Variants in CNTN1 observed in about 807,000 individuals in gnomAD.
CNTN1 encodes contactin-1.
Under a neutral mutation model 126.4 loss-of-function variants are expected in CNTN1, and 38 were observed. The observed-to-expected ratio is 0.30, with a 90% confidence interval of 0.23 to 0.39. The LOEUF (loss-of-function observed/expected upper bound fraction) is 0.39, where lower values mean the gene tolerates loss of function less well. CNTN1 is among the 10% of genes least tolerant of loss of function. The pLI is 1.00. For synonymous variants in CNTN1, 413 were observed against 422.6 expected, an observed-to-expected ratio of 0.98 and a Z score of 0.28; for missense variants, 1,009 against 1,248.4, an observed-to-expected ratio of 0.81 and a Z score of 2.89.
intron 15 of CNTN1, among the ~76,000 whole-genome samples, chr12:40,980,202 G>GC (rs1947782732): frequency 6.6e-6 from 1 of 152,094 alleles, no homozygotes; most frequent in African/African-American, 2.4e-5. Context: ...GAATGCCTAG[G>GC]CATGAGGATC....
At chr12:40,871,594 C>G (rs114175630) in intron 1 of CNTN1, among the ~76,000 whole-genome samples, 1 of 151,986 alleles carries the variant, frequency 6.6e-6, no homozygotes, top group Non-Finnish European at 1.5e-5. Flanking sequence ...ATCAACTGAG[C>G]GAATGTTAGT....
intron 1 of CNTN1, among the ~76,000 whole-genome samples, chr12:40,693,257 C>G (rs1941350613): frequency 6.6e-6 from 1 of 152,202 alleles, no homozygotes; most frequent in African/African-American, 2.4e-5. Flanking sequence ...AGGGAGAGAC[C>G]GCGGAGCCAC....
chr12:41,002,107 C>CTTTTA (rs77278776), intron 17 of CNTN1, among the ~76,000 whole-genome samples: 2 of 151,912 alleles, frequency 1.3e-5, no homozygotes, highest in Admixed American at 6.6e-5. Context: ...GCTATTTGGG[C>CTTTTA]TTTTATTTTA....
At chr12:40,885,542 C>T (rs955705944) in intron 1 of CNTN1, among the ~76,000 whole-genome samples, 8 of 151,910 alleles carry the variant, frequency 5.3e-5, no homozygotes, top group African/African-American at 1.9e-4. Context: ...TACTTCACAT[C>T]TTTGTGTCTC....
chr12:40,713,608 A>G (rs1296057909), intron 1 of CNTN1, among the ~76,000 whole-genome samples: 6 of 152,016 alleles, frequency 3.9e-5, no homozygotes, highest in Admixed American at 3.9e-4. Flanking sequence ...ACACCATAAA[A>G]AACATTTGAC....
At chr12:40,706,457 C>G (rs11177948) in intron 1 of CNTN1, among the ~76,000 whole-genome samples, 59,518 of 151,804 alleles carry the variant, frequency 0.39, 12,424 homozygotes, top group South Asian at 0.49. Flanking sequence ...CTCACATAGC[C>G]TCTTTAACAC....
chr12:40,813,039 C>T (rs749216898), intron 1 of CNTN1, among the ~76,000 whole-genome samples: 1,618 of 12,172 alleles, frequency 0.13, 58 homozygotes, highest in African/African-American at 0.17. Context: ...TCTTTCTTTC[C>T]TTTCTTTCTT....
chr12:40,818,072 G>C (rs11178530), intron 1 of CNTN1, among the ~76,000 whole-genome samples: 91,540 of 151,810 alleles, frequency 0.6, 27,920 homozygotes, highest in East Asian at 0.77. Flanking sequence ...GTGACCTGGC[G>C]TTTCTTTCTG....
intron 1 of CNTN1, among the ~76,000 whole-genome samples, chr12:40,761,970 AT>A (rs1294414234): frequency 2.0e-5 from 3 of 152,066 alleles, no homozygotes; most frequent in Admixed American, 2.0e-4. Context: ...AGGATAACTG[AT>A]TTCTCTGTTT....
chr12:41,060,766 G>T (rs1294994360), intron 23 of CNTN1, among the ~76,000 whole-genome samples: 2 of 152,090 alleles, frequency 1.3e-5, no homozygotes, highest in South Asian at 4.1e-4. Flanking sequence ...ACAAACCCAT[G>T]AAACCCATTA....
intron 1 of CNTN1, among the ~76,000 whole-genome samples, chr12:40,781,073 G>T (rs1388202942): frequency 6.6e-6 from 1 of 151,888 alleles, no homozygotes; most frequent in Non-Finnish European, 1.5e-5. Flanking sequence ...CCAAATAGAT[G>T]AAATAAATCA....
chr12:40,710,471 C>A (rs532411392), intron 1 of CNTN1, among the ~76,000 whole-genome samples: 4 of 152,060 alleles, frequency 2.6e-5, no homozygotes, highest in Non-Finnish European at 5.9e-5. Context: ...CAAACGATGA[C>A]ACAGAGATAA....
chr12:40,900,997 T>C (rs1428428742), intron 1 of CNTN1, among the ~76,000 whole-genome samples: 1 of 152,156 alleles, frequency 6.6e-6, no homozygotes, highest in African/African-American at 2.4e-5. Context: ...ATGGGAGTAC[T>C]GAAGGTGACA....
At chr12:40,901,701 T>C (rs1165506593) in intron 1 of CNTN1, among the ~76,000 whole-genome samples, 2 of 152,236 alleles carry the variant, frequency 1.3e-5, no homozygotes, top group African/African-American at 4.8e-5. Flanking sequence ...TATCTGCTCA[T>C]TGAACAACAT....
chr12:41,055,767 A>C (rs909705922), intron 23 of CNTN1, among the ~76,000 whole-genome samples: 5 of 152,124 alleles, frequency 3.3e-5, no homozygotes, highest in Non-Finnish European at 7.4e-5. Context: ...CACTTAGTTA[A>C]AACAACTAGC....
At chr12:40,901,332 T>C (rs1944600951) in intron 1 of CNTN1, among the ~76,000 whole-genome samples, 1 of 152,226 alleles carries the variant, frequency 6.6e-6, no homozygotes, top group African/African-American at 2.4e-5. Context: ...TTAATAACGC[T>C]AAGTCAGTGT....
intron 3 of CNTN1, among the ~76,000 whole-genome samples, chr12:40,912,394 T>C (rs58546041): frequency 0.28 from 40,378 of 142,824 alleles, 5,594 homozygotes; most frequent in Middle Eastern, 0.36. Flanking sequence ...TTACTTTACT[T>C]TCAGAAAGAA....
intron 1 of CNTN1, among the ~76,000 whole-genome samples, chr12:40,807,249 A>G (rs1177174696): frequency 6.6e-6 from 1 of 152,038 alleles, no homozygotes; most frequent in East Asian, 1.9e-4. Context: ...TACTTGCAAG[A>G]AAAGGGGGTG....
At chr12:40,734,614 C>T (rs1363172021) in intron 1 of CNTN1, among the ~76,000 whole-genome samples, 1 of 152,110 alleles carries the variant, frequency 6.6e-6, no homozygotes, top group African/African-American at 2.4e-5. Flanking sequence ...AATGATTTTA[C>T]TTAGCTTATA....
Sources: allele counts gnomAD v4.1 joint callset (sites outside exome capture counted in the v4.1 genomes callset), GRCh38; gene constraint gnomAD v4.1.1; transcripts MANE v1.5; gene names NCBI Gene and HGNC (gene_info 2026-07-23, HGNC 2026-07-21).